The following TMEM200A variants were observed in gnomAD, a reference collection of about 807,000 sequenced individuals.
TMEM200A encodes transmembrane protein 200A.
A neutral mutation model predicts 24.3 loss-of-function variants in TMEM200A; 12 were observed. That is an observed-to-expected ratio of 0.49 (90% CI 0.32 to 0.80). The LOEUF (loss-of-function observed/expected upper bound fraction) is 0.80, where lower values mean the gene tolerates loss of function less well. TMEM200A is among the 30% of genes least tolerant of loss of function. TMEM200A has a pLI of 0.04. For synonymous variants in TMEM200A, 224 were observed against 224.4 expected (o/e 1.00, Z 0.02); for missense variants, 545 against 614.4 (o/e 0.89, Z 1.19).
chr6:130,367,616 T>G (rs1319134091), intron 1 of TMEM200A, among the ~76,000 whole-genome samples: 1 of 152,220 alleles, frequency 6.6e-6, no homozygotes, highest in Non-Finnish European at 1.5e-5. Flanking sequence ...TTTGAAACTT[T>G]TTAAACCTTA....
chr6:130,427,315 A>G (rs1779767310), intron 2 of TMEM200A, among the ~76,000 whole-genome samples: 1 of 152,202 alleles, frequency 6.6e-6, no homozygotes, highest in Non-Finnish European at 1.5e-5. Context: ...AATTCTAACT[A>G]TTTCTGCTCT....
intron 2 of TMEM200A, among the ~76,000 whole-genome samples, chr6:130,425,159 T>C (rs1779700354): frequency 6.6e-6 from 1 of 152,200 alleles, no homozygotes; most frequent in Non-Finnish European, 1.5e-5. Flanking sequence ...TGACAGATTC[T>C]GGTCACTACT....
rs995851009 is a variant in TMEM200A, at chr6:130,385,412, A to C, written c.-17+176A>C. The stretch of plus-strand genomic sequence containing the variant: ...CTTGGTTAAATAAACCAGATGTCTT[A>C]TTTGGACATTTCAAAGTTCCTTGCA... On this transcript the variant is annotated intron_variant, in intron 2 of 2. Coordinates refer to ENST00000296978, the MANE Select transcript of TMEM200A (RefSeq NM_001258277.2). Among the ~76,000 whole-genome samples, 3 of 152,182 alleles carry C rather than the reference A, an allele frequency of 2.0e-5. No homozygotes were observed. The South Asian group carries it at 6.2e-4, about 31-fold the overall frequency.
At chr6:130,427,724 C>CTT (rs374467252) in intron 2 of TMEM200A, among the ~76,000 whole-genome samples, 13 of 144,778 alleles carry the variant, frequency 9.0e-5, no homozygotes, top group Admixed American at 3.4e-4. Context: ...ATCTTTTTGT[C>CTT]TTTTTTTTTT....
chr6:130,384,948 G>A (rs1033760164), intron 1 of TMEM200A, among the ~76,000 whole-genome samples: 1 of 152,040 alleles, frequency 6.6e-6, no homozygotes, highest in African/African-American at 2.4e-5. Flanking sequence ...TTATCTTTTT[G>A]CAAATGGATT....
chr6:130,421,340 G>T (rs567877877), intron 2 of TMEM200A: 2 of 152,122 alleles, frequency 1.3e-5, no homozygotes, highest in Non-Finnish European at 2.9e-5. Context: ...AAGACTCGCG[G>T]ATGTTAGTTT....
At chr6:130,422,110 T>C (rs1482295000) in intron 2 of TMEM200A, among the ~76,000 whole-genome samples, 1 of 152,180 alleles carries the variant, frequency 6.6e-6, no homozygotes, top group Admixed American at 6.6e-5. Context: ...AGTCCTGTTT[T>C]TGATTGTTTG....
chr6:130,422,598 G>A (rs1306644159), intron 2 of TMEM200A, among the ~76,000 whole-genome samples: 1 of 152,104 alleles, frequency 6.6e-6, no homozygotes, highest in African/African-American at 2.4e-5. Context: ...CTTTTGAACT[G>A]TTGAAATGAT....
chr6:130,381,588 A>G (rs1305979587), intron 1 of TMEM200A, among the ~76,000 whole-genome samples: 1 of 152,232 alleles, frequency 6.6e-6, no homozygotes, highest in African/African-American at 2.4e-5. Context: ...CCAGTACAAC[A>G]ATCAGAGAAT....
Position 130,442,029 on chromosome 6 carries a change from G to T in TMEM200A, c.*131G>T. 1 of 872,714 alleles carries T rather than the reference G, an allele frequency of 1.1e-6. No individual in the cohort carries two copies. The highest frequency in any genetic ancestry group is 2.7e-5 in the East Asian group (1 of 37,008). 54.1% of individuals were successfully genotyped at this position (872,714 alleles called of 1,614,324 possible). A position where few individuals can be genotyped will look rare whatever the true frequency, so the allele number is the denominator to read the frequency against. On this transcript the variant is annotated 3_prime_UTR_variant, in exon 3 of 3. Coordinates refer to ENST00000296978, the MANE Select transcript of TMEM200A (RefSeq NM_001258277.2). ...GTAGTGTATTAGAATTGGCTGCTTA[G>T]TTCTGTAATGAAGATGGTTGTATGT... is the stretch of plus-strand genomic sequence containing the variant.
intron 1 of TMEM200A, among the ~76,000 whole-genome samples, chr6:130,381,655 T>C (rs1257243635): frequency 1.3e-5 from 2 of 152,334 alleles, no homozygotes; most frequent in Admixed American, 6.5e-5. Flanking sequence ...AAAGCTGCCT[T>C]GTGCTATGCC....
chr6:130,431,248 A>C (rs1289270575), intron 2 of TMEM200A, among the ~76,000 whole-genome samples: 1 of 152,200 alleles, frequency 6.6e-6, no homozygotes, highest in Non-Finnish European at 1.5e-5. Flanking sequence ...TACTTAGTAG[A>C]GTCTCATTAT....
intron 2 of TMEM200A, among the ~76,000 whole-genome samples, chr6:130,427,589 G>A (rs1779776178): frequency 6.6e-6 from 1 of 152,034 alleles, no homozygotes; most frequent in South Asian, 2.1e-4. Flanking sequence ...GTGGCAAAGG[G>A]AATGGACATT....
At chr6:130,388,687 T>C (rs1778767880) in intron 2 of TMEM200A, among the ~76,000 whole-genome samples, 1 of 152,206 alleles carries the variant, frequency 6.6e-6, no homozygotes, top group African/African-American at 2.4e-5. Flanking sequence ...TTTGTAAATA[T>C]ATAGTTGATG....
intron 2 of TMEM200A, among the ~76,000 whole-genome samples, chr6:130,435,179 C>T (rs1025151927): frequency 2.0e-5 from 3 of 151,604 alleles, no homozygotes; most frequent in Admixed American, 6.6e-5. Context: ...GAGACAAGGT[C>T]TTAATGTGTT....
intron 1 of TMEM200A, among the ~76,000 whole-genome samples, chr6:130,380,128 G>C (rs993275388): frequency 6.6e-6 from 1 of 152,130 alleles, no homozygotes; most frequent in African/African-American, 2.4e-5. Context: ...AGTGAAATGG[G>C]ATTAAAAGTT....
In TMEM200A at chr6:130,366,138, G is replaced by C. The variant is rs1311958293; in HGVS notation, c.-467G>C. On this transcript the variant is annotated 5_prime_UTR_variant, in exon 1 of 3. Coordinates refer to ENST00000296978, the MANE Select transcript of TMEM200A (RefSeq NM_001258277.2). The surrounding 1 kb of genome is among the most constrained non-coding windows in gnomAD (Gnocchi z 4.4). ...TCCCCTGCCCGGCTTGCTGCGCCCGGTGCCCTCCGAGGGCAGGCGCGCCTG... is the reference window on the plus strand; with the variant it reads ...TCCCCTGCCCGGCTTGCTGCGCCCGCTGCCCTCCGAGGGCAGGCGCGCCTG... 1 of 985,232 alleles carries C rather than the reference G, an allele frequency of 1.0e-6. No individual in the cohort carries two copies. Among genetic ancestry groups the C allele is most frequent in the Non-Finnish European group, 1.2e-6 (1 of 829,906 alleles). The allele number at this position is 985,232 out of a possible 1,614,324, so 61.0% of individuals were successfully genotyped here. A position where few individuals can be genotyped will look rare whatever the true frequency, so the allele number is the denominator to read the frequency against.
chr6:130,365,755 G>A (rs1392834585), upstream of TMEM200A: 6 of 985,564 alleles, frequency 6.1e-6, no homozygotes, highest in East Asian at 5.7e-4. Flanking sequence ...TTTTGTCTGC[G>A]GGTGATTTGG....
chr6:130,395,886 T>A (rs1007229025), intron 2 of TMEM200A, among the ~76,000 whole-genome samples: 1 of 152,318 alleles, frequency 6.6e-6, no homozygotes, highest in East Asian at 1.9e-4. Context: ...GTGATGGCAG[T>A]TCTAAAGAGG....
Sources: allele counts gnomAD v4.1 joint callset (sites outside exome capture counted in the v4.1 genomes callset), GRCh38; gene constraint gnomAD v4.1.1; non-coding constraint Gnocchi (gnomAD v3.1); transcripts MANE v1.5; gene names NCBI Gene and HGNC (gene_info 2026-07-23, HGNC 2026-07-21).